Variants in LRFN5 observed in about 807,000 individuals in gnomAD.
The protein encoded by LRFN5 is leucine rich repeat and fibronectin type III domain containing 5, also known as leucine-rich repeat and fibronectin type-III domain-containing protein 5.
Under a neutral mutation model 45.6 loss-of-function variants are expected in LRFN5, and 24 were observed. The observed-to-expected ratio is 0.53, with a 90% CI of 0.38 to 0.74. The LOEUF is 0.74. Ranked by LOEUF, LRFN5 falls within the 30% of genes least tolerant of loss-of-function variation. The pLI is 0.00. For synonymous variants in LRFN5, 340 were observed against 313.8 expected, an observed-to-expected ratio of 1.08 and a Z score of -0.88; for missense variants, 776 against 861.5, an observed-to-expected ratio of 0.90 and a Z score of 1.24.
intron 1 of LRFN5, among the ~76,000 whole-genome samples, chr14:41,745,470 G>T (rs1884884072): frequency 6.6e-6 from 1 of 151,880 alleles, no homozygotes; most frequent in Non-Finnish European, 1.5e-5. Context: ...ACAATTTCTG[G>T]AACTAGAAAA....
intron 2 of LRFN5, among the ~76,000 whole-genome samples, chr14:41,865,848 G>A (rs931966237): frequency 1.3e-5 from 2 of 151,970 alleles, no homozygotes; most frequent in Non-Finnish European, 2.9e-5. Flanking sequence ...TAGATGATTT[G>A]TATATCTTAT....
At chr14:41,762,891 G>T (rs1042742750) in intron 1 of LRFN5, among the ~76,000 whole-genome samples, 12 of 152,010 alleles carry the variant, frequency 7.9e-5, no homozygotes, top group Non-Finnish European at 1.5e-4. Flanking sequence ...TTAACACAAA[G>T]TAAATATAGC....
At chr14:41,612,360 T>A (rs1273102362) in intron 1 of LRFN5, among the ~76,000 whole-genome samples, 2 of 152,186 alleles carry the variant, frequency 1.3e-5, no homozygotes, top group Non-Finnish European at 2.9e-5. Context: ...CCTAAAGGCT[T>A]AACTGGCTAA....
chr14:41,608,905 A>G (rs1376198649), intron 1 of LRFN5, among the ~76,000 whole-genome samples: 1 of 152,150 alleles, frequency 6.6e-6, no homozygotes, highest in African/African-American at 2.4e-5. Context: ...ACCATTTGGT[A>G]CCCAACCCTT....
At chr14:41,624,226 A>G (rs1028823674) in intron 1 of LRFN5, among the ~76,000 whole-genome samples, 3 of 152,074 alleles carry the variant, frequency 2.0e-5, no homozygotes, top group East Asian at 1.9e-4. Context: ...AGTATAGTCC[A>G]AAACATTATA....
intron 2 of LRFN5, among the ~76,000 whole-genome samples, chr14:41,825,187 A>G (rs1888251537): frequency 6.6e-6 from 1 of 152,178 alleles, no homozygotes. Context: ...CCCAATGGGC[A>G]CACTGCCACT....
intron 1 of LRFN5, among the ~76,000 whole-genome samples, chr14:41,620,125 T>C (rs1888069597): frequency 6.6e-6 from 1 of 152,100 alleles, no homozygotes; most frequent in African/African-American, 2.4e-5. Context: ...TTTATTCTAT[T>C]GAGACACAGG....
At chr14:41,892,971 T>C (rs1890832836) in intron 4 of LRFN5, 6 of 985,242 alleles carry the variant, frequency 6.1e-6, no homozygotes, top group Non-Finnish European at 7.2e-6. Flanking sequence ...CAAAGGGGTG[T>C]TTATTTTTAT....
chr14:41,740,122 A>G (rs189899311), intron 1 of LRFN5, among the ~76,000 whole-genome samples: 63 of 152,238 alleles, frequency 4.1e-4, no homozygotes, highest in Admixed American at 7.9e-4. Context: ...AAACATTTAA[A>G]TAACTAATAT....
chr14:41,877,080 C>T (rs1291060591), intron 2 of LRFN5, among the ~76,000 whole-genome samples: 1 of 152,132 alleles, frequency 6.6e-6, no homozygotes, highest in African/African-American at 2.4e-5. Flanking sequence ...ATCTAACATA[C>T]TAGGAAGAAC....
chr14:41,776,104 A>G (rs1014901583), intron 2 of LRFN5, among the ~76,000 whole-genome samples: 1 of 152,180 alleles, frequency 6.6e-6, no homozygotes, highest in Non-Finnish European at 1.5e-5. Context: ...GTGGTTCTAT[A>G]TTTATCATAA....
chr14:41,856,675 A>ATTTTTTTTTTTTTTTTTTTTTTTTT (rs1555326982), intron 2 of LRFN5, among the ~76,000 whole-genome samples: 3 of 18,336 alleles, frequency 1.6e-4, no homozygotes, highest in Non-Finnish European at 2.6e-4. Flanking sequence ...TATTATTATT[A>ATTTTTTTTTTTTTTTTTTTTTTTTT]TTTTTTTTTT....
intron 2 of LRFN5, among the ~76,000 whole-genome samples, chr14:41,781,612 GAAAGA>G (rs1420046388): frequency 3.6e-5 from 3 of 84,398 alleles, no homozygotes; most frequent in African/African-American, 1.8e-4. Context: ...AAGAAAGAAA[GAAAGA>G]GAAAGAAAGA....
chr14:41,898,840 A>G (rs1347787571), intron 4 of LRFN5, 77 bp from the exon 5 acceptor site: 1 of 1,356,600 alleles, frequency 7.4e-7, no homozygotes, highest in Non-Finnish European at 1.0e-6. Flanking sequence ...TATTACCAAG[A>G]TTTCAGTAAG....
intron 2 of LRFN5, among the ~76,000 whole-genome samples, chr14:41,803,220 C>T (rs1395153570): frequency 6.6e-6 from 1 of 152,124 alleles, no homozygotes; most frequent in Non-Finnish European, 1.5e-5. Context: ...CATTAAGATT[C>T]TTTTGATAGC....
At chr14:41,673,595 G>A (rs1303247600) in intron 1 of LRFN5, among the ~76,000 whole-genome samples, 11 of 147,404 alleles carry the variant, frequency 7.5e-5, no homozygotes, top group Non-Finnish European at 1.1e-4. Flanking sequence ...CCTCACTCCC[G>A]GATGGGGCGG....
chr14:41,708,856 G>A (rs1009166611), intron 1 of LRFN5, among the ~76,000 whole-genome samples: 12 of 151,892 alleles, frequency 7.9e-5, no homozygotes, highest in Non-Finnish European at 1.0e-4. Context: ...ACTTCCAACT[G>A]TTTTTATCAG....
chr14:41,713,469 A>T (rs541723972), intron 1 of LRFN5, among the ~76,000 whole-genome samples: 6 of 152,124 alleles, frequency 3.9e-5, no homozygotes, highest in African/African-American at 9.6e-5. Context: ...CTGAAGATAT[A>T]TGTAACACAT....
intron 2 of LRFN5, among the ~76,000 whole-genome samples, chr14:41,834,788 G>C (rs1888604755): frequency 6.6e-6 from 1 of 151,832 alleles, no homozygotes; most frequent in Admixed American, 6.6e-5. Context: ...TCAGCCACCT[G>C]AGTAGCTGGT....
Sources: gnomAD v4.1 joint callset for allele counts (sites outside exome capture counted in the v4.1 genomes callset) on GRCh38, gnomAD v4.1.1 for gene constraint, MANE v1.5 for transcripts, NCBI Gene and HGNC (gene_info 2026-07-23, HGNC 2026-07-21) for gene names.